The following POLD1 variants were observed in gnomAD, a reference collection of about 807,000 sequenced individuals.
POLD1 encodes DNA polymerase delta 1, catalytic subunit, also known as DNA polymerase delta catalytic subunit.
A neutral mutation model predicts 129.7 loss-of-function variants in POLD1; 79 were observed. The ratio of observed to expected loss-of-function variants is 0.61; its 90% CI spans 0.51 to 0.73. The LOEUF (loss-of-function observed/expected upper bound fraction) is 0.73. Ranked by LOEUF, POLD1 falls within the 30% of genes least tolerant of loss-of-function variation. POLD1 has a pLI of 0.00. For synonymous variants in POLD1, 714 were observed against 683.3 expected (o/e 1.04, Z -0.70); for missense variants, 1,338 against 1,595.8 (o/e 0.84, Z 2.75).
Position 50,417,040 on chromosome 19 carries a change from C to T in POLD1, c.3068-5C>T, listed in dbSNP as rs759650325. The T allele has an allele frequency of 3.2e-6, 5 of 1,550,058 alleles. No homozygotes were observed. The East Asian group carries it at 9.8e-5, about 30-fold the overall frequency. ...CAGCACTTGGGCTGACCCGCCTCCC[C>T]ACAGGAGCCGTGTGTGAGTTCTGCC... On this transcript the variant is annotated splice_polypyrimidine_tract_variant and splice_region_variant and intron_variant, in intron 24 of 26. Transcript: ENST00000440232.
At chr19:50,398,699 C>G (rs2038461806) in intron 1 of POLD1, 152 bp from the exon 2 acceptor site, 10 of 1,298,446 alleles carry the variant, frequency 7.7e-6, no homozygotes, top group Middle Eastern at 2.6e-4. Context: ...TGCTCCCACC[C>G]CACTGCCTGC....
chr19:50,403,688 C>T (rs2038757074), intron 10 of POLD1, 91 bp downstream of exon 10: 3 of 825,540 alleles, frequency 3.6e-6, no homozygotes, highest in Admixed American at 3.6e-5. Context: ...CTCCACATGG[C>T]TTGGTGCATC....
In POLD1 at chr19:50,401,391, ATTTTTTTTT is replaced by A. The variant is rs1203165864; in HGVS notation, c.317-371_317-363del. Among the ~76,000 whole-genome samples the A allele has an allele frequency of 7.4e-4, 49 of 65,930 alleles. 1 individual carries two copies. Among genetic ancestry groups the A allele is most frequent in the African/African-American group, 2.8e-3 (40 of 14,534 alleles). The allele number at this position is 65,930 out of a possible 152,430, so 43.3% of individuals were successfully genotyped here. On this transcript the variant is annotated intron_variant, in intron 3 of 26. Transcript: ENST00000440232. Reference sequence around the variant, plus strand: ...TGTATATATATATATATATATATATATTTTTTTTTTTTTTTTTTTTTTTTCTTTTTTTTG... The same window carrying A: ...TGTATATATATATATATATATATATATTTTTTTTTTTTTTTCTTTTTTTTG...
chr19:50,410,980 C>CA (rs2039069617), intron 17 of POLD1: 1 of 99,164 alleles, frequency 1.0e-5, no homozygotes, highest in Non-Finnish European at 1.7e-5. Flanking sequence ...TTTTTTGAGA[C>CA]AGAGTCTCAC....
Position 50,414,853 on chromosome 19 carries a change from C to T in POLD1, c.2427C>T (p.Tyr809=), listed in dbSNP as rs775317882. The T allele has an allele frequency of 4.2e-5, 67 of 1,598,510 alleles. No homozygotes were observed. The highest frequency in any genetic ancestry group is 1.7e-4 in the Middle Eastern group (1 of 6,024). ...FPYLLISKKR[Y]AGLLFSSRPD... is the part of the protein sequence containing the mutation. ...ACCTGCTTATCAGCAAGAAGCGCTA[C>T]GCGGGCCTGCTCTTCTCCTCCCGGC... The change falls in exon 20 of 27, where the codon TAC becomes TAT. Residue 809 remains tyrosine, a synonymous_variant. Transcript: ENST00000440232.
At position 50,402,721 on chromosome 19, in the gene POLD1, T is replaced by A. The variant is rs1601202863; in HGVS notation, c.950T>A (p.Ile317Asn). The A allele has an allele frequency of 6.3e-7, 1 of 1,595,146 alleles. No individual in the cohort carries two copies. The highest frequency in any genetic ancestry group is 8.6e-7 in the Non-Finnish European group (1 of 1,167,054). Residue 317 changes from isoleucine to asparagine, a missense_variant, in exon 8 of 27, where the codon ATC becomes AAC. Coordinates refer to ENST00000440232, the MANE Select transcript of POLD1 (RefSeq NM_002691.4). ...CCCTTGCGCGTGCTCAGCTTCGATA[T>A]CGAGTGCGCCGGCCGCAAAGGTCTG... Reference protein sequence around the residue: ...IAPLRVLSFDIECAGRKGIFP... With the variant: ...IAPLRVLSFDNECAGRKGIFP...
intron 17 of POLD1, 36 bp from the exon 18 acceptor site, chr19:50,413,390 C>A (rs375836221): frequency 6.3e-7 from 1 of 1,582,102 alleles, no homozygotes; most frequent in East Asian, 2.3e-5. Context: ...CACATGGCCC[C>A]CAGGGCTTCA....
intron 8 of POLD1, 122 bp downstream of exon 8, chr19:50,402,863 A>G: frequency 7.2e-7 from 1 of 1,383,042 alleles, no homozygotes; most frequent in Admixed American, 2.1e-5. Flanking sequence ...ACCCCAGCCC[A>G]TGTGGCCAGA....
At position 50,406,225 on chromosome 19, in the gene POLD1, C is replaced by T. The variant is rs2122317497; in HGVS notation, c.1286C>T (p.Ser429Phe). ...CTGGGCCGTGTGGCCGGCCTTTGCTCCAACATCCGGGACTCTTCATTCCAG... is the reference window on the plus strand; with the variant it reads ...CTGGGCCGTGTGGCCGGCCTTTGCTTCAACATCCGGGACTCTTCATTCCAG... The part of the protein sequence containing the change: ...PFLGRVAGLC[S>F]NIRDSSFQSK... Residue 429 changes from serine (S) to phenylalanine (F), a missense_variant, in exon 11 of 27, where the codon TCC becomes TTC. Physicochemically the swap from Ser to Phe is radical, Grantham distance 155. Around this residue, in one of 3 missense-constraint regions of POLD1, gnomAD observed 720 missense variants for 1,002.6 expected, o/e 0.72. Transcript: ENST00000440232. The surrounding 1 kb of genome is among the most constrained non-coding windows in gnomAD (Gnocchi z 5.5). 6.2e-7 allele frequency: 1 copy of T among 1,614,044 alleles called. No individual in the cohort carries two copies. The highest frequency in any genetic ancestry group is 1.1e-5 in the South Asian group (1 of 91,086).
At chr19:50,386,354 T>A (rs1409339034) in intron 1 of POLD1, among the ~76,000 whole-genome samples, 2 of 151,914 alleles carry the variant, frequency 1.3e-5, no homozygotes, top group East Asian at 3.9e-4. Flanking sequence ...CCCAGACTGG[T>A]CTCGAATCCC....
At chr19:50,404,847 CAGGGGGCGCTG>C (rs201030740) in intron 10 of POLD1, among the ~76,000 whole-genome samples, 17,357 of 151,810 alleles carry the variant, frequency 0.11, 3,236 homozygotes, top group African/African-American at 0.38. Context: ...CTCCGCCTCC[CAGGGGGCGCTG>C]GGGTGTAGAA....
rs3219440 is a variant in POLD1 at position 50,416,437 on chromosome 19, G to A, written c.2862G>A (p.Thr954=). 1.0e-5 allele frequency: 16 copies of A among 1,549,982 alleles called. No individual in the cohort carries two copies. The highest frequency in any genetic ancestry group is 2.1e-4 in the Middle Eastern group (1 of 4,762). Residue 954 remains threonine (T), a synonymous_variant, in exon 23 of 27, where the codon ACG becomes ACA. Transcript: ENST00000440232. ...FVLEHSLPID[T]QYYLEQQLAK... Reference sequence around the variant, plus strand: ...TGGAGCACAGCCTGCCCATTGACACGCAGTACTACCTGGAGCAGCAGCTGG... The same window carrying A: ...TGGAGCACAGCCTGCCCATTGACACACAGTACTACCTGGAGCAGCAGCTGG...
intron 1 of POLD1, among the ~76,000 whole-genome samples, chr19:50,397,445 C>T (rs2038411690): frequency 6.8e-6 from 1 of 148,120 alleles, no homozygotes; most frequent in African/African-American, 2.5e-5. Flanking sequence ...TGCTCTGTGG[C>T]CCAGGATGGA....
chr19:50,406,046 CGTCTTTCT>C lies in POLD1; in HGVS notation c.1243-134_1243-127del, dbSNP rs2038864126. 3 of 1,000,516 alleles carry C rather than the reference CGTCTTTCT, an allele frequency of 3.0e-6. No individual in the cohort carries two copies. In the South Asian group the frequency reaches 4.4e-5, roughly 15 times the overall value. 62.0% of individuals were successfully genotyped at this position (1,000,516 alleles called of 1,614,324 possible). A position where few individuals can be genotyped will look rare whatever the true frequency, so the allele number is the denominator to read the frequency against. ...CAGCCACCCACACCCAGCCCCAGAC[CGTCTTTCT>C]GCCCCCAGGGTTGCTCTCGACCCCC... On this transcript the variant is annotated intron_variant, in intron 10 of 26. Coordinates refer to ENST00000440232, the MANE Select transcript of POLD1 (RefSeq NM_002691.4). This position sits in a 1 kb window ranked among gnomAD's most constrained non-coding sequence, Gnocchi z 5.5.
At chr19:50,408,589 C>T (rs1475276278) in intron 14 of POLD1, 196 bp from the exon 15 acceptor site, 1 of 811,648 alleles carries the variant, frequency 1.2e-6, no homozygotes, top group Non-Finnish European at 1.9e-6. Flanking sequence ...TGCCATGTTG[C>T]CCAGGCTGAT....
Position 50,406,902 on chromosome 19 carries a change from A to C in POLD1, c.1495-81A>C, listed in dbSNP as rs1601218491. The C allele has an allele frequency of 5.1e-6, 6 of 1,178,972 alleles. No homozygotes were observed. Among genetic ancestry groups the C allele is most frequent in the East Asian group, 2.4e-5 (1 of 40,856 alleles). 73.0% of individuals were successfully genotyped at this position (1,178,972 alleles called of 1,614,324 possible). A position where few individuals can be genotyped will look rare whatever the true frequency, so the allele number is the denominator to read the frequency against. ...TCCCAGGCCCTCCCCAGGCTACCTC[A>C]CCCTGACCCCCACTTCCTTCTCCTG... On this transcript the variant is annotated intron_variant, in intron 12 of 26. Transcript: ENST00000440232. This position sits in a 1 kb window ranked among gnomAD's most constrained non-coding sequence, Gnocchi z 5.5.
chr19:50,390,537 A>C (rs1387209282), intron 1 of POLD1, among the ~76,000 whole-genome samples: 2 of 151,076 alleles, frequency 1.3e-5, no homozygotes, highest in Non-Finnish European at 2.9e-5. Context: ...AGGATATTGC[A>C]TTCCTAGCAC....
intron 3 of POLD1, 109 bp from the exon 4 acceptor site, chr19:50,401,669 G>T: frequency 8.2e-7 from 1 of 1,214,370 alleles, no homozygotes; most frequent in South Asian, 1.2e-5. Flanking sequence ...GAACGGTACA[G>T]GGGCAGGAGT....
At chr19:50,416,891 CCGGGAGTTCCCCA>C in intron 24 of POLD1, 141 bp from the exon 25 acceptor site, 1 of 1,024,344 alleles carries the variant, frequency 9.8e-7, no homozygotes, top group Non-Finnish European at 1.4e-6. Flanking sequence ...GGCCCCCACC[CCGGGAGTTCCCCA>C]GGGGAGTTTT....
Sources: gnomAD v4.1 joint callset for allele counts (sites outside exome capture counted in the v4.1 genomes callset) on GRCh38, gnomAD v4.1.1 for gene constraint, gnomAD v4.1.1 regional missense constraint, Gnocchi (gnomAD v3.1) non-coding constraint, MANE v1.5 for transcripts, NCBI Gene and HGNC (gene_info 2026-07-23, HGNC 2026-07-21) for gene names.